The following KCNQ1 variants were observed in gnomAD, a reference collection of about 807,000 sequenced individuals.
KCNQ1 encodes the protein potassium voltage-gated channel subfamily Q member 1.
KCNQ1 carries 49 observed loss-of-function variants against 72.4 expected under a neutral mutation model. The ratio of observed to expected loss-of-function variants is 0.68; its 90% CI spans 0.54 to 0.86. The LOEUF (loss-of-function observed/expected upper bound fraction) is 0.86, where lower values mean the gene tolerates loss of function less well. Among genes scored for constraint, KCNQ1 ranks in the 40% least tolerant of loss-of-function variants. The probability of loss-of-function intolerance (pLI) is 0.00; values close to 1 mark genes in which losing one functional copy is unlikely to be tolerated. For missense variants in KCNQ1, 790 were observed against 945.1 expected, an observed-to-expected ratio of 0.84 and a Z score of 2.15; for synonymous variants, 450 against 412.6, an observed-to-expected ratio of 1.09 and a Z score of -1.10.
In KCNQ1 at chr11:2,473,993, G is replaced by A. The variant is rs866141910; in HGVS notation, c.386+28509G>A. Among the ~76,000 whole-genome samples the A allele has an allele frequency of 1.3e-5, 2 of 152,242 alleles. No individual in the cohort carries two copies. The highest frequency in any genetic ancestry group is 1.5e-5 in the Non-Finnish European group (1 of 68,034). On this transcript the variant is annotated intron_variant, in intron 1 of 15. Transcript: ENST00000155840. The surrounding 1 kb of genome is among the most constrained non-coding windows in gnomAD (Gnocchi z 6.0). ...CAGGGCCCTTGGGAGGGAGGTAAGCGGGCAGCCGGGCCAACCTGCTGCTTG... is the reference window on the plus strand; with the variant it reads ...CAGGGCCCTTGGGAGGGAGGTAAGCAGGCAGCCGGGCCAACCTGCTGCTTG...
chr11:2,747,564 G>A (rs376992043), intron 11 of KCNQ1, among the ~76,000 whole-genome samples: 9 of 152,334 alleles, frequency 5.9e-5, no homozygotes, highest in African/African-American at 1.7e-4. Context: ...ACTGGAATAC[G>A]GCCATGAGAA....
At chr11:2,689,283 C>G in intron 11 of KCNQ1, 1 of 398,726 alleles carries the variant, frequency 2.5e-6, no homozygotes, top group Non-Finnish European at 4.4e-6. Flanking sequence ...GCACAGATAT[C>G]TCCCACTCCA....
At chr11:2,633,741 A>T in intron 10 of KCNQ1, 1 of 398,472 alleles carries the variant, frequency 2.5e-6, no homozygotes, top group Non-Finnish European at 4.4e-6. Context: ...TTTTATGCCC[A>T]TTGCATGCTA....
rs61588088 is a variant in KCNQ1 at position 2,695,328 on chromosome 11, T to TTGTGTG, written c.1514+33258_1514+33263dup. 2.9e-4 allele frequency: 114 copies of TTGTGTG among 393,958 alleles called. No individual in the cohort carries two copies. The East Asian group carries it at 3.0e-3, about 10-fold the overall frequency. The allele number at this position is 393,958 out of a possible 1,614,324, so 24.4% of individuals were successfully genotyped here. On this transcript the variant is annotated intron_variant, in intron 11 of 15. Coordinates refer to ENST00000155840, the MANE Select transcript of KCNQ1 (RefSeq NM_000218.3). The surrounding 1 kb of genome is among the most constrained non-coding windows in gnomAD (Gnocchi z 5.2). ...TCTCCAGGGTAATTTATTTATATCA[T>TTGTGTG]TGTGTGTGTGTGTGTGCACTCACGA...
rs1468132302 is a variant in KCNQ1 at position 2,657,366 on chromosome 11, A to G, written c.1394-4595A>G. 5.0e-6 allele frequency: 2 copies of G among 398,442 alleles called. No individual in the cohort carries two copies. The highest frequency in any genetic ancestry group is 2.1e-5 in the African/African-American group (1 of 48,614). 24.7% of individuals were successfully genotyped at this position (398,442 alleles called of 1,614,324 possible). A position where few individuals can be genotyped will look rare whatever the true frequency, so the allele number is the denominator to read the frequency against. On this transcript the variant is annotated intron_variant, in intron 10 of 15. Coordinates refer to ENST00000155840, the MANE Select transcript of KCNQ1 (RefSeq NM_000218.3). This position sits in a 1 kb window ranked among gnomAD's most constrained non-coding sequence, Gnocchi z 4.8. ...AATGAAGGCATATTTCTCCATTTAT[A>G]TCTTCTTCATTGTCTCTTACTAAAG... is the stretch of plus-strand genomic sequence containing the variant.
In KCNQ1 at chr11:2,673,257, G is replaced by A. The variant is rs754530532; in HGVS notation, c.1514+11176G>A. The A allele has an allele frequency of 7.5e-6, 3 of 398,574 alleles. No homozygotes were observed. Among genetic ancestry groups the A allele is most frequent in the Non-Finnish European group, 1.3e-5 (3 of 226,104 alleles). 24.7% of individuals were successfully genotyped at this position (398,574 alleles called of 1,614,324 possible). A position where few individuals can be genotyped will look rare whatever the true frequency, so the allele number is the denominator to read the frequency against. On this transcript the variant is annotated intron_variant, in intron 11 of 15. Coordinates refer to ENST00000155840, the MANE Select transcript of KCNQ1 (RefSeq NM_000218.3). This position sits in a 1 kb window ranked among gnomAD's most constrained non-coding sequence, Gnocchi z 4.5. Reference sequence around the variant, plus strand: ...TTCTGGGGACTGGGTGATGCAGACTGCAAAGCCTCAGCCACCTTCTCCCCT... The same window carrying A: ...TTCTGGGGACTGGGTGATGCAGACTACAAAGCCTCAGCCACCTTCTCCCCT...
chr11:2,690,987 C>T lies in KCNQ1; in HGVS notation c.1514+28906C>T, dbSNP rs1441373040. On this transcript the variant is annotated intron_variant, in intron 11 of 15. Transcript: ENST00000155840. This position sits in a 1 kb window ranked among gnomAD's most constrained non-coding sequence, Gnocchi z 5.1. Reference sequence around the variant, plus strand: ...ATGTGTCAACAAAAGCCCACCAGACCATCAATGAAGTGGGCAAAAGCTCTG... The same window carrying T: ...ATGTGTCAACAAAAGCCCACCAGACTATCAATGAAGTGGGCAAAAGCTCTG... 7.5e-6 allele frequency: 3 copies of T among 398,502 alleles called. No individual in the cohort carries two copies. The highest frequency in any genetic ancestry group is 7.1e-5 in the East Asian group (2 of 28,092). The allele number at this position is 398,502 out of a possible 1,614,324, so 24.7% of individuals were successfully genotyped here. A position where few individuals can be genotyped will look rare whatever the true frequency, so the allele number is the denominator to read the frequency against.
Position 2,629,698 on chromosome 11 carries a change from T to C in KCNQ1, c.1394-32263T>C, listed in dbSNP as rs74574524. On this transcript the variant is annotated intron_variant, in intron 10 of 15. Coordinates refer to ENST00000155840, the MANE Select transcript of KCNQ1 (RefSeq NM_000218.3). ...CTTTTTGATGCTATTTTAAATGAAA[T>C]TGTTTTCTTAATTTGTTTTTCAGGT... is the stretch of plus-strand genomic sequence containing the variant. 1.8e-3 allele frequency: 699 copies of C among 398,482 alleles called. 3 individuals are homozygous for C. The highest frequency in any genetic ancestry group is 2.6e-3 in the Non-Finnish European group (586 of 225,984). 24.7% of individuals were successfully genotyped at this position (398,482 alleles called of 1,614,324 possible).
Position 2,848,068 on chromosome 11 carries a change from C to T in KCNQ1, c.*65C>T, listed in dbSNP as rs1318724330. 1 of 1,392,684 alleles carries T rather than the reference C, an allele frequency of 7.2e-7. No homozygotes were observed. The highest frequency in any genetic ancestry group is 1.2e-5 in the South Asian group (1 of 81,082). The allele number at this position is 1,392,684 out of a possible 1,614,324, so 86.3% of individuals were successfully genotyped here. On this transcript the variant is annotated 3_prime_UTR_variant, in exon 16 of 16. Coordinates refer to ENST00000155840, the MANE Select transcript of KCNQ1 (RefSeq NM_000218.3). The stretch of plus-strand genomic sequence containing the variant: ...GAGGCCAAGAGTGGCCCCACCTGGC[C>T]CTCTCTGAAGGAGGCCACCTCCTAA...
chr11:2,630,464 A>G, intron 10 of KCNQ1: 1 of 398,360 alleles, frequency 2.5e-6, no homozygotes, highest in Non-Finnish European at 4.4e-6. Flanking sequence ...TTTGGGGGGA[A>G]TATTTTGATC....
intron 11 of KCNQ1, chr11:2,665,754 GA>G (rs1850056084): frequency 7.5e-6 from 3 of 398,428 alleles, no homozygotes; most frequent in Non-Finnish European, 1.3e-5. Context: ...CCCAGGCATG[GA>G]GAAGCCCTAG....
Position 2,715,977 on chromosome 11 carries a change from C to T in KCNQ1, c.1515-52867C>T, listed in dbSNP as rs1851085956. 6.6e-6 allele frequency among the ~76,000 whole-genome samples: 1 copy of T among 152,190 alleles called. No individual in the cohort carries two copies. The highest frequency in any genetic ancestry group is 1.5e-5 in the Non-Finnish European group (1 of 68,028). On this transcript the variant is annotated intron_variant, in intron 11 of 15. Coordinates refer to ENST00000155840, the MANE Select transcript of KCNQ1 (RefSeq NM_000218.3). This position sits in a 1 kb window ranked among gnomAD's most constrained non-coding sequence, Gnocchi z 4.9. ...CCACGTCACCTCCAAACCCTTTGGGCTGGCCTCTTGGTGAGGAATGGCCCT... is the reference window on the plus strand; with the variant it reads ...CCACGTCACCTCCAAACCCTTTGGGTTGGCCTCTTGGTGAGGAATGGCCCT...
intron 15 of KCNQ1, among the ~76,000 whole-genome samples, chr11:2,802,439 A>G (rs551431523): frequency 6.6e-6 from 1 of 152,310 alleles, no homozygotes; most frequent in South Asian, 2.1e-4. Context: ...GGGCGCAGGC[A>G]GCCCTTCATG....
rs556452881 is a variant in KCNQ1 at position 2,718,531 on chromosome 11, C to T, written c.1515-50313C>T. On this transcript the variant is annotated intron_variant, in intron 11 of 15. Transcript: ENST00000155840. ...GCTTCCAGTGGATGCAAGGCTGACT[C>T]GTACATGTCATGGAGGATAGTTCGG... Among the ~76,000 whole-genome samples the T allele has an allele frequency of 3.9e-5, 6 of 152,356 alleles. No individual in the cohort carries two copies. The South Asian group carries it at 8.3e-4, about 21-fold the overall frequency.
intron 2 of KCNQ1, among the ~76,000 whole-genome samples, chr11:2,569,113 T>A (rs996421386): frequency 6.6e-6 from 1 of 152,180 alleles, no homozygotes; most frequent in African/African-American, 2.4e-5. Flanking sequence ...CTTGAACTCC[T>A]GAACTCGTGA....
intron 1 of KCNQ1, among the ~76,000 whole-genome samples, chr11:2,449,318 T>G (rs557483080): frequency 6.6e-6 from 1 of 152,210 alleles, no homozygotes; most frequent in Non-Finnish European, 1.5e-5. Flanking sequence ...GGAGGGTCCC[T>G]TTTTGCTTGG....
In KCNQ1 at chr11:2,759,699, G is replaced by A. The variant is rs1846359249; in HGVS notation, c.1515-9145G>A. On this transcript the variant is annotated intron_variant, in intron 11 of 15. Transcript: ENST00000155840. This position sits in a 1 kb window ranked among gnomAD's most constrained non-coding sequence, Gnocchi z 4.4. ...GAGGATCCTCCAGAAGGGGCCGAGA[G>A]CTTGTCCAGGCAGGGTGGATACAAG... 6.6e-6 allele frequency among the ~76,000 whole-genome samples: 1 copy of A among 152,214 alleles called. No homozygotes were observed. Among genetic ancestry groups the A allele is most frequent in the Non-Finnish European group, 1.5e-5 (1 of 68,032 alleles).
intron 11 of KCNQ1, among the ~76,000 whole-genome samples, chr11:2,751,832 G>A (rs537015011): frequency 3.3e-5 from 5 of 152,370 alleles, no homozygotes; most frequent in African/African-American, 1.2e-4. Context: ...CTGGCTCAGG[G>A]TGAGGGCAAA....
chr11:2,648,981 C>CTTTTTTTTTTTTTTTTTTTTTTTTTTT, intron 10 of KCNQ1: 13 of 213,290 alleles, frequency 6.1e-5, no homozygotes, highest in Admixed American at 2.9e-4. Context: ...TTTTCTTTTT[C>CTTTTTTTTTTTTTTTTTTTTTTTTTTT]TTTTTTTTTT....
Sources: allele counts gnomAD v4.1 joint callset (sites outside exome capture counted in the v4.1 genomes callset), GRCh38; gene constraint gnomAD v4.1.1; non-coding constraint Gnocchi (gnomAD v3.1); transcripts MANE v1.5; gene names NCBI Gene and HGNC (gene_info 2026-07-23, HGNC 2026-07-21).